The following GPC1 variants were observed in gnomAD, a reference collection of about 807,000 sequenced individuals.
The protein encoded by GPC1 is glypican 1.
Under a neutral mutation model 51.5 loss-of-function variants are expected in GPC1, and 26 were observed. That is an observed-to-expected ratio of 0.50 (90% CI 0.37 to 0.70). The LOEUF (loss-of-function observed/expected upper bound fraction) is 0.70. GPC1 is among the 30% of genes least tolerant of loss of function. The pLI is 0.00. For synonymous variants in GPC1, 380 were observed against 348.3 expected, an observed-to-expected ratio of 1.09 and a Z score of -1.01; for missense variants, 775 against 800.5, an observed-to-expected ratio of 0.97 and a Z score of 0.38.
intron 8 of GPC1, 74 bp downstream of exon 8, chr2:240,465,722 C>T (rs943433377): frequency 6.6e-5 from 85 of 1,292,882 alleles, no homozygotes; most frequent in Non-Finnish European, 9.0e-5. Flanking sequence ...GACTGCCCTC[C>T]GGGTTCCCCC....
At chr2:240,447,400 A>T (rs1422751849) in intron 1 of GPC1, among the ~76,000 whole-genome samples, 2 of 152,188 alleles carry the variant, frequency 1.3e-5, no homozygotes, top group African/African-American at 4.8e-5. Context: ...CAGCGCCGTG[A>T]GGAGGGTGTG....
intron 1 of GPC1, chr2:240,450,497 C>T (rs551866795): frequency 4.1e-5 from 18 of 435,952 alleles, no homozygotes; most frequent in South Asian, 3.0e-4. Context: ...GTCAGCGGGA[C>T]CTACAGCTGC....
rs116666152 is a variant in GPC1 at position 240,450,084 on chromosome 2, C to T, written c.167-8946C>T. 2.7e-3 allele frequency: 918 copies of T among 340,732 alleles called. 6 individuals carry two copies. Among genetic ancestry groups the T allele is most frequent in the African/African-American group, 0.017 (784 of 46,388 alleles). 21.1% of individuals were successfully genotyped at this position (340,732 alleles called of 1,614,324 possible). A position where few individuals can be genotyped will look rare whatever the true frequency, so the allele number is the denominator to read the frequency against. ...ATACTTTCATACTGTACTAAAATAA[C>T]AATTCATTGTTTATCTGAAATTCAG... On this transcript the variant is annotated intron_variant, in intron 1 of 8. Transcript: ENST00000264039.
intron 1 of GPC1, among the ~76,000 whole-genome samples, chr2:240,438,603 G>A (rs2073999103): frequency 6.6e-6 from 1 of 152,242 alleles, no homozygotes; most frequent in African/African-American, 2.4e-5. Flanking sequence ...CTGGCCCGGA[G>A]CAGGTGGGGT....
At chr2:240,465,730 C>A in intron 8 of GPC1, 82 bp downstream of exon 8, 1 of 1,214,002 alleles carries the variant, frequency 8.2e-7, no homozygotes, top group East Asian at 2.4e-5. Flanking sequence ...TCCGGGTTCC[C>A]CCACCCGAGG....
chr2:240,465,987 C>A, intron 8 of GPC1, 71 bp from the exon 9 acceptor site: 1 of 895,656 alleles, frequency 1.1e-6, no homozygotes, highest in Non-Finnish European at 1.7e-6. Context: ...CTGGCACGGG[C>A]CCTTACAGGG....
intron 1 of GPC1, 38 bp downstream of exon 1, chr2:240,436,122 C>G: frequency 8.1e-7 from 1 of 1,233,700 alleles, no homozygotes; most frequent in Non-Finnish European, 1.0e-6. Context: ...CGGGCCTGGC[C>G]GGGCTTTGGG....
rs1475428519 is a variant in GPC1, at chr2:240,448,523, C to G, written c.167-10507C>G. 3.9e-5 allele frequency among the ~76,000 whole-genome samples: 6 copies of G among 152,152 alleles called. No homozygotes were observed. Among genetic ancestry groups the G allele is most frequent in the Admixed American group, 3.9e-4 (6 of 15,286 alleles). ...GGTGGAACTCTGAGCCTCCGGCTCT[C>G]CTCCGGCAGGTGGCTTCGGGAAATG... On this transcript the variant is annotated intron_variant, in intron 1 of 8. Transcript: ENST00000264039. This position sits in a 1 kb window ranked among gnomAD's most constrained non-coding sequence, Gnocchi z 4.5.
intron 1 of GPC1, among the ~76,000 whole-genome samples, chr2:240,447,461 A>G (rs1574760072): frequency 2.0e-5 from 3 of 152,270 alleles, no homozygotes; most frequent in East Asian, 3.9e-4. Flanking sequence ...GGGGGAGGGC[A>G]CGTAGGTGTG....
rs767200019 is a variant in GPC1 at position 240,462,332 on chromosome 2, A to T, written c.467A>T (p.Asn156Ile). The T allele has an allele frequency of 2.5e-6, 4 of 1,603,310 alleles. No individual in the cohort carries two copies. In the South Asian group the frequency reaches 3.3e-5, roughly 13 times the overall value. ...CTGCGCCTGTACTACCGCGGTGCCA[A>T]CCTGCACCTGGAGGAGACGCTGGCC... ...SELRLYYRGANLHLEETLAEF... is the reference protein window; with the variant it reads ...SELRLYYRGAILHLEETLAEF... Residue 156 changes from asparagine to isoleucine, a missense_variant, in exon 3 of 9, where the codon AAC becomes ATC. Asn to Ile is a moderately radical substitution (Grantham distance 149, BLOSUM62 -3). Coordinates refer to ENST00000264039, the MANE Select transcript of GPC1 (RefSeq NM_002081.3).
intron 2 of GPC1, among the ~76,000 whole-genome samples, 188 bp from the exon 3 acceptor site, chr2:240,462,002 CA>C (rs944656855): frequency 6.6e-6 from 1 of 152,118 alleles, no homozygotes; most frequent in South Asian, 2.1e-4. Context: ...CTCCCCAGGC[CA>C]GGGGGTGAGG....
chr2:240,438,729 C>T (rs1284985636), intron 1 of GPC1, among the ~76,000 whole-genome samples: 1 of 152,224 alleles, frequency 6.6e-6, no homozygotes, highest in Non-Finnish European at 1.5e-5. Context: ...AGACTTAGCT[C>T]ATGAAAGAGG....
chr2:240,463,589 C>A, intron 4 of GPC1, 77 bp downstream of exon 4: 1 of 1,323,380 alleles, frequency 7.6e-7, no homozygotes. Context: ...GGCGGGTGGT[C>A]CCTAGCTTAG....
chr2:240,464,737 C>T lies in GPC1; in HGVS notation c.1005C>T (p.Leu335=), dbSNP rs779906268. The T allele has an allele frequency of 6.8e-6, 11 of 1,608,640 alleles. No homozygotes were observed. Among genetic ancestry groups the T allele is most frequent in the Non-Finnish European group, 9.3e-6 (11 of 1,178,028 alleles). The change falls in exon 5 of 9, where the codon CTC becomes CTT. Residue 335 remains leucine, a synonymous_variant. Transcript: ENST00000264039. ...CCCTCCAGGACAACAGGGACACGCT[C>T]ACGGCCAAGGTGCGGGCAGGAGGAC... The part of the protein sequence containing the change: ...INALQDNRDT[L]TAKVIQGCGN...
chr2:240,453,108 C>A, intron 1 of GPC1: 1 of 282,804 alleles, frequency 3.5e-6, no homozygotes, highest in Non-Finnish European at 6.9e-6. Context: ...GGCGCGCCAC[C>A]CCCATCTCCA....
rs545368476 is a variant in GPC1 at position 240,440,566 on chromosome 2, C to G, written c.166+4482C>G. On this transcript the variant is annotated intron_variant, in intron 1 of 8. Coordinates refer to ENST00000264039, the MANE Select transcript of GPC1 (RefSeq NM_002081.3). The stretch of plus-strand genomic sequence containing the variant: ...CTGGCCTCCCTGCCTCCGGTCCTGC[C>G]CAGCTCCTCCTGGCCTCCCTGCCTC... Among the ~76,000 whole-genome samples, 59 of 150,396 alleles carry G rather than the reference C, an allele frequency of 3.9e-4. 1 individual carries two copies. Among genetic ancestry groups the G allele is most frequent in the Admixed American group, 1.1e-3 (16 of 15,090 alleles).
chr2:240,456,703 T>G (rs1360765259), intron 1 of GPC1: 8 of 454,808 alleles, frequency 1.8e-5, no homozygotes, highest in Middle Eastern at 3.3e-4. Context: ...CTGAGTCTGC[T>G]CAGCCTGGCA....
At position 240,465,599 on chromosome 2, in the gene GPC1, C is replaced by T. The variant is rs200117979; in HGVS notation, c.1395C>T (p.Asn465=). 1.4e-5 allele frequency: 23 copies of T among 1,613,054 alleles called. No homozygotes were observed. The Admixed American group carries it at 2.5e-4, about 18-fold the overall frequency. Residue 465 remains asparagine (N), a synonymous_variant, in exon 8 of 9, where the codon AAC becomes AAT. Transcript: ENST00000264039. ...QQIMQLKIMT[N]RLRSAYNGND... is the part of the protein sequence containing the mutation. ...TCATGCAGCTGAAGATCATGACCAA[C>T]CGGCTGCGCAGCGCCTACAACGGCA...
At position 240,462,297 on chromosome 2, in the gene GPC1, G is replaced by A. The variant is rs2074223053; in HGVS notation, c.432G>A (p.Leu144=). 2 of 1,608,676 alleles carry A rather than the reference G, an allele frequency of 1.2e-6. No homozygotes were observed. Among genetic ancestry groups the A allele is most frequent in the Non-Finnish European group, 1.7e-6 (2 of 1,178,174 alleles). ...YTQNARAFRD[L]YSELRLYYRG... is the part of the protein sequence containing the mutation. ...AGAACGCGAGGGCCTTCCGGGACCT[G>A]TACTCAGAGCTGCGCCTGTACTACC... is the stretch of plus-strand genomic sequence containing the variant. The change falls in exon 3 of 9, where the codon CTG becomes CTA. Residue 144 remains leucine (L), a synonymous_variant. Coordinates refer to ENST00000264039, the MANE Select transcript of GPC1 (RefSeq NM_002081.3).
Sources: gnomAD v4.1 joint callset for allele counts (sites outside exome capture counted in the v4.1 genomes callset) on GRCh38, gnomAD v4.1.1 for gene constraint, Gnocchi (gnomAD v3.1) non-coding constraint, MANE v1.5 for transcripts, NCBI Gene and HGNC (gene_info 2026-07-23, HGNC 2026-07-21) for gene names.